The following SLIT1 variants were observed in gnomAD, a reference collection of about 807,000 sequenced individuals.
SLIT1 encodes the protein slit homolog 1 protein.
SLIT1 carries 66 observed loss-of-function variants against 186.1 expected under a neutral mutation model. The ratio of observed to expected loss-of-function variants is 0.35; its 90% confidence interval spans 0.29 to 0.44. SLIT1 has a LOEUF of 0.44. Ranked by LOEUF, SLIT1 falls within the 20% of genes least tolerant of loss-of-function variation. The probability of loss-of-function intolerance (pLI) is 1.00; values close to 1 mark genes in which losing one functional copy is unlikely to be tolerated. For synonymous variants in SLIT1, 761 were observed against 833.8 expected (o/e 0.91, Z 1.50); for missense variants, 1,638 against 2,037.4 (o/e 0.80, Z 3.77).
In SLIT1 at chr10:97,043,884, C is replaced by A. The variant is rs1391676467; in HGVS notation, c.1854-371G>T. On this transcript the variant is annotated intron_variant, in intron 18 of 36. Coordinates refer to ENST00000266058, the MANE Select transcript of SLIT1 (RefSeq NM_003061.3). This position sits in a 1 kb window ranked among gnomAD's most constrained non-coding sequence, Gnocchi z 7.0. The stretch of plus-strand genomic sequence containing the variant: ...AAACCTAATCCATCATGTCACTCTC[C>A]AGCTTAAAGTCCACTAACAGCCTCC... Among the ~76,000 whole-genome samples, 2 of 152,148 alleles carry A rather than the reference C, an allele frequency of 1.3e-5. No homozygotes were observed. Among genetic ancestry groups the A allele is most frequent in the Non-Finnish European group, 2.9e-5 (2 of 68,032 alleles).
At chr10:97,069,417 T>A (rs1321324180) in intron 4 of SLIT1, among the ~76,000 whole-genome samples, 5 of 152,204 alleles carry the variant, frequency 3.3e-5, no homozygotes, top group African/African-American at 1.2e-4. Context: ...GGACCTTCAA[T>A]CCTTCACCCC....
At chr10:97,026,342 T>C (rs2134605198) in intron 25 of SLIT1, among the ~76,000 whole-genome samples, 1 of 152,122 alleles carries the variant, frequency 6.6e-6, no homozygotes, top group African/African-American at 2.4e-5. Context: ...CAGGTGCCTA[T>C]AATCCCAGCT....
chr10:97,169,597 G>A (rs1850161198), intron 1 of SLIT1, among the ~76,000 whole-genome samples: 3 of 152,220 alleles, frequency 2.0e-5, no homozygotes, highest in Admixed American at 2.0e-4. Flanking sequence ...CCCCAGGGCA[G>A]CCAGGGCAGC....
At chr10:97,167,026 A>G (rs1266770026) in intron 1 of SLIT1, among the ~76,000 whole-genome samples, 1 of 152,070 alleles carries the variant, frequency 6.6e-6, no homozygotes, top group Non-Finnish European at 1.5e-5. Context: ...GATCCTCAGA[A>G]GCAGCTGCAA....
At chr10:97,164,515 G>A (rs1400452096) in intron 2 of SLIT1, among the ~76,000 whole-genome samples, 1 of 152,158 alleles carries the variant, frequency 6.6e-6, no homozygotes, top group Non-Finnish European at 1.5e-5. Context: ...CCTCAGAGAC[G>A]ATTGGTCACG....
chr10:96,999,024 C>CCTTT lies in SLIT1; in HGVS notation c.*2084_*2087dup, dbSNP rs1376453094. ...CTCAGGGTTGGTGAGTCCCAGAGCA[C>CCTTT]CTTTCTTCCAGGGAAGAGGCAAGCT... is the stretch of plus-strand genomic sequence containing the variant. On this transcript the variant is annotated 3_prime_UTR_variant, in exon 37 of 37. Transcript: ENST00000266058. The CCTTT allele has an allele frequency of 6.6e-6, 1 of 152,282 alleles. No homozygotes were observed. The highest frequency in any genetic ancestry group is 1.5e-5 in the Non-Finnish European group (1 of 68,104). The allele number at this position is 152,282 out of a possible 1,614,324, so 9.4% of individuals were successfully genotyped here. A position where few individuals can be genotyped will look rare whatever the true frequency, so the allele number is the denominator to read the frequency against.
intron 4 of SLIT1, among the ~76,000 whole-genome samples, chr10:97,124,352 A>G (rs1849585624): frequency 6.6e-6 from 1 of 152,208 alleles, no homozygotes; most frequent in Non-Finnish European, 1.5e-5. Context: ...GTTGGGCCCC[A>G]GGGAGGGGGG....
chr10:97,058,006 T>G (rs1281457823), intron 11 of SLIT1: 1 of 717,410 alleles, frequency 1.4e-6, no homozygotes, highest in Non-Finnish European at 2.6e-6. Context: ...CAAACATGGC[T>G]TCAAGGTCAT....
chr10:97,132,282 G>A (rs113448694), intron 4 of SLIT1, among the ~76,000 whole-genome samples: 3 of 152,274 alleles, frequency 2.0e-5, no homozygotes, highest in African/African-American at 7.2e-5. Flanking sequence ...GTAACCCAGG[G>A]TCCCAGACAA....
At chr10:97,058,277 G>A (rs780342474) in intron 11 of SLIT1, among the ~76,000 whole-genome samples, 3 of 152,202 alleles carry the variant, frequency 2.0e-5, no homozygotes, top group African/African-American at 4.8e-5. Flanking sequence ...AGGGCTGGCC[G>A]AGGTAGACAC....
At chr10:97,090,670 T>C (rs1345107932) in intron 4 of SLIT1, among the ~76,000 whole-genome samples, 1 of 152,212 alleles carries the variant, frequency 6.6e-6, no homozygotes, top group Non-Finnish European at 1.5e-5. Context: ...ATGAGGACAC[T>C]GAGCGCTGCC....
intron 4 of SLIT1, among the ~76,000 whole-genome samples, chr10:97,088,306 C>G (rs781748768): frequency 4.6e-5 from 7 of 152,230 alleles, no homozygotes; most frequent in Non-Finnish European, 1.0e-4. Context: ...TATGGTGCCA[C>G]CTCTTTCTCC....
At chr10:97,082,262 A>G (rs185993092) in intron 4 of SLIT1, among the ~76,000 whole-genome samples, 180 of 152,322 alleles carry the variant, frequency 1.2e-3, no homozygotes, top group African/African-American at 4.2e-3. Context: ...TAAGACATGA[A>G]TGATTGTGAC....
chr10:97,099,968 C>T (rs962273736), intron 4 of SLIT1, among the ~76,000 whole-genome samples: 1 of 152,190 alleles, frequency 6.6e-6, no homozygotes, highest in Non-Finnish European at 1.5e-5. Flanking sequence ...TATTTAAAAT[C>T]TTCTGACAAT....
At chr10:97,094,983 A>AAG (rs917175222) in intron 4 of SLIT1, among the ~76,000 whole-genome samples, 3 of 151,528 alleles carry the variant, frequency 2.0e-5, no homozygotes, top group East Asian at 1.9e-4. Flanking sequence ...AACTGCCAGA[A>AAG]AGAGAGAGAG....
chr10:97,048,455 T>A (rs1177953434), intron 14 of SLIT1, among the ~76,000 whole-genome samples: 1 of 152,084 alleles, frequency 6.6e-6, no homozygotes, highest in East Asian at 1.9e-4. Context: ...CTCCTGAGTG[T>A]CTTAAAAGGC....
intron 6 of SLIT1, 121 bp from the exon 7 acceptor site, chr10:97,064,360 A>G (rs962747453): frequency 2.5e-6 from 2 of 791,556 alleles, no homozygotes; most frequent in African/African-American, 1.7e-5. Flanking sequence ...GGGGCTGGAC[A>G]TGGAGGAGCT....
intron 23 of SLIT1, among the ~76,000 whole-genome samples, chr10:97,033,733 T>C (rs1848611708): frequency 6.6e-6 from 1 of 152,122 alleles, no homozygotes. Context: ...GAAATGCTTA[T>C]GTAGATGGTA....
intron 4 of SLIT1, among the ~76,000 whole-genome samples, chr10:97,117,778 G>A (rs1357138635): frequency 1.3e-5 from 2 of 152,150 alleles, no homozygotes; most frequent in Non-Finnish European, 2.9e-5. Flanking sequence ...ACTCATTTCC[G>A]AGTTACAACC....
Sources: allele counts gnomAD v4.1 joint callset (sites outside exome capture counted in the v4.1 genomes callset), GRCh38; gene constraint gnomAD v4.1.1; non-coding constraint Gnocchi (gnomAD v3.1); transcripts MANE v1.5; gene names NCBI Gene and HGNC (gene_info 2026-07-23, HGNC 2026-07-21).